The following RARB variants were observed in gnomAD, a reference collection of about 807,000 sequenced individuals.
The protein encoded by RARB is retinoic acid receptor beta.
Under a neutral mutation model 51.9 loss-of-function variants are expected in RARB, and 17 were observed. The observed-to-expected ratio is 0.33, with a 90% confidence interval of 0.22 to 0.49. RARB has a LOEUF of 0.49. RARB is among the 20% of genes least tolerant of loss of function. The probability of loss-of-function intolerance (pLI) is 0.99; values close to 1 mark genes in which losing one functional copy is unlikely to be tolerated. For synonymous variants in RARB, 215 were observed against 195.4 expected (o/e 1.10, Z -0.84); for missense variants, 369 against 550.8 (o/e 0.67, Z 3.30).
At chr3:25,497,291 G>A (rs531833274) in intron 2 of RARB, among the ~76,000 whole-genome samples, 15 of 152,256 alleles carry the variant, frequency 9.9e-5, no homozygotes, top group African/African-American at 3.4e-4. Context: ...GAGGTGTTAC[G>A]ATGACTCAGT....
chr3:25,526,529 TA>T (rs1698657436), intron 3 of RARB, among the ~76,000 whole-genome samples: 2 of 152,008 alleles, frequency 1.3e-5, no homozygotes, highest in Non-Finnish European at 2.9e-5. Flanking sequence ...CTAATGGAGT[TA>T]AAAGAGAAAT....
At chr3:25,176,333 CT>C in intron 5 of RARB, among the ~76,000 whole-genome samples, 1 of 51,984 alleles carries the variant, frequency 1.9e-5, no homozygotes, top group African/African-American at 6.2e-5. Flanking sequence ...TTCTTTCTTT[CT>C]TTCCTTCCTT....
At chr3:25,499,202 C>T (rs1427343555) in intron 2 of RARB, among the ~76,000 whole-genome samples, 2 of 152,154 alleles carry the variant, frequency 1.3e-5, no homozygotes, top group African/African-American at 4.8e-5. Context: ...TAGCTTTGAA[C>T]GTTCTTAGCT....
chr3:25,352,091 T>C (rs913220922), intron 5 of RARB, among the ~76,000 whole-genome samples: 3 of 152,068 alleles, frequency 2.0e-5, no homozygotes, highest in African/African-American at 4.8e-5. Flanking sequence ...GAATTTGGAG[T>C]TCTGCGTTGA....
rs954846997 is a variant in RARB, at chr3:25,374,992, A to G, written c.179-86201A>G. Among the ~76,000 whole-genome samples the G allele has an allele frequency of 2.2e-4, 34 of 152,102 alleles. 2 individuals carry two copies. The highest frequency in any genetic ancestry group is 7.2e-5 in the African/African-American group (3 of 41,420). ...AATCCATTACCTTTTATTTAGTGCA[A>G]GATGCACTGATCATCTTCCAGGCTC... On this transcript the variant is annotated intron_variant, in intron 5 of 11. Coordinates refer to the RARB transcript ENST00000383772.
intron 2 of RARB, among the ~76,000 whole-genome samples, chr3:25,013,642 A>G (rs1190420911): frequency 6.6e-6 from 1 of 152,012 alleles, no homozygotes; most frequent in Non-Finnish European, 1.5e-5. Flanking sequence ...CAGTTCTAGG[A>G]TAGGATAATC....
chr3:25,141,181 A>G (rs1357381371), intron 4 of RARB, among the ~76,000 whole-genome samples: 1 of 152,136 alleles, frequency 6.6e-6, no homozygotes, highest in African/African-American at 2.4e-5. Context: ...TGGTTCAATA[A>G]CACTATGAGA....
chr3:25,472,917 CAT>C, intron 2 of RARB, among the ~76,000 whole-genome samples: 1 of 152,190 alleles, frequency 6.6e-6, no homozygotes, highest in East Asian at 1.9e-4. Context: ...TGGAGACTGA[CAT>C]ATGTCTCTCA....
chr3:25,004,666 C>T (rs1418824870), intron 2 of RARB, among the ~76,000 whole-genome samples: 1 of 152,074 alleles, frequency 6.6e-6, no homozygotes, highest in East Asian at 1.9e-4. Flanking sequence ...ATGATATTGT[C>T]ACTTCTGCAG....
At chr3:24,873,333 T>C (rs1702981475) in intron 2 of RARB, among the ~76,000 whole-genome samples, 1 of 152,228 alleles carries the variant, frequency 6.6e-6, no homozygotes, top group African/African-American at 2.4e-5. Flanking sequence ...ACTTCGTTAA[T>C]GGTTATAGGC....
At chr3:25,085,438 G>A (rs1699087711) in intron 3 of RARB, among the ~76,000 whole-genome samples, 1 of 152,122 alleles carries the variant, frequency 6.6e-6, no homozygotes, top group Admixed American at 6.6e-5. Flanking sequence ...TAAGAAGCAT[G>A]TTTGGGGGAA....
At chr3:25,124,097 G>A (rs1292845299) in intron 3 of RARB, among the ~76,000 whole-genome samples, 4 of 152,274 alleles carry the variant, frequency 2.6e-5, no homozygotes, top group East Asian at 1.9e-4. Flanking sequence ...AGTCCAGGCC[G>A]GGCGCGGTGG....
intron 2 of RARB, among the ~76,000 whole-genome samples, chr3:24,986,526 G>C (rs1275222070): frequency 2.0e-5 from 3 of 152,160 alleles, no homozygotes; most frequent in Non-Finnish European, 4.4e-5. Flanking sequence ...AATGGGTTTT[G>C]TGGTTTTAGT....
intron 3 of RARB, among the ~76,000 whole-genome samples, chr3:25,544,787 T>G (rs1464754687): frequency 6.6e-6 from 1 of 152,218 alleles, no homozygotes; most frequent in Non-Finnish European, 1.5e-5. Flanking sequence ...CTTCCCTCTT[T>G]CTGGAGTGTG....
chr3:25,364,695 T>C (rs2125466683), intron 5 of RARB, among the ~76,000 whole-genome samples: 1 of 152,350 alleles, frequency 6.6e-6, no homozygotes, highest in South Asian at 2.1e-4. Flanking sequence ...TTGTTTCTAT[T>C]TGACATGCAA....
chr3:25,556,657 TG>T (rs1309002158), intron 3 of RARB, among the ~76,000 whole-genome samples: 1 of 152,170 alleles, frequency 6.6e-6, no homozygotes, highest in African/African-American at 2.4e-5. Flanking sequence ...ATGTGCAACT[TG>T]GGAAGTAAAT....
At chr3:24,936,101 C>T (rs183538767) in intron 2 of RARB, among the ~76,000 whole-genome samples, 10 of 152,186 alleles carry the variant, frequency 6.6e-5, no homozygotes, top group African/African-American at 1.9e-4. Context: ...GAATTATATT[C>T]TAGAGATACT....
intron 5 of RARB, among the ~76,000 whole-genome samples, chr3:25,586,206 C>T (rs1395885820): frequency 6.6e-6 from 1 of 152,108 alleles, no homozygotes; most frequent in African/African-American, 2.4e-5. Context: ...TTCTTCCTGG[C>T]CTATTCCTCA....
chr3:25,580,795 A>T (rs1223956480), intron 5 of RARB, 73 bp downstream of exon 5: 8 of 1,430,674 alleles, frequency 5.6e-6, no homozygotes, highest in Non-Finnish European at 7.5e-6. Context: ...GGAGGGGACC[A>T]AGAGACATTG....
Sources: allele counts gnomAD v4.1 joint callset (sites outside exome capture counted in the v4.1 genomes callset), GRCh38; gene constraint gnomAD v4.1.1; transcripts MANE v1.5; gene names NCBI Gene and HGNC (gene_info 2026-07-23, HGNC 2026-07-21).